Variants in GALNT13 observed in about 807,000 individuals in gnomAD.
GALNT13 encodes polypeptide N-acetylgalactosaminyltransferase 13, also known as UDP-GalNAc:polypeptide N-acetylgalactosaminyltransferase 13.
GALNT13 carries 28 observed loss-of-function variants against 64.2 expected under a neutral mutation model. The observed-to-expected ratio is 0.44, with a 90% CI of 0.32 to 0.60. The LOEUF (loss-of-function observed/expected upper bound fraction) is 0.60. Among genes scored for constraint, GALNT13 ranks in the 20% least tolerant of loss-of-function variants. The pLI is 0.05. For missense variants in GALNT13, 577 were observed against 669.8 expected (o/e 0.86, Z 1.53); for synonymous variants, 214 against 224.6 (o/e 0.95, Z 0.42).
the GALNT13 span, among the ~76,000 whole-genome samples, chr2:153,527,160 A>G: frequency 1.6e-4 from 24 of 152,298 alleles, no homozygotes; most frequent in African/African-American, 5.5e-4. Flanking sequence ...TCCCAAACCT[A>G]CAGACAGATA....
chr2:153,374,990 C>T, the GALNT13 span, among the ~76,000 whole-genome samples: 6 of 152,280 alleles, frequency 3.9e-5, no homozygotes, highest in South Asian at 4.1e-4. Context: ...CCTCAAATCA[C>T]GCATACCATA....
chr2:153,964,542 G>A (rs1199930836), intron 3 of GALNT13, among the ~76,000 whole-genome samples: 1 of 152,002 alleles, frequency 6.6e-6, no homozygotes, highest in Admixed American at 6.6e-5. Flanking sequence ...TATGAATATT[G>A]AGGTTTATTT....
chr2:154,156,952 G>A (rs186093803), intron 4 of GALNT13, among the ~76,000 whole-genome samples: 243 of 152,182 alleles, frequency 1.6e-3, no homozygotes, highest in African/African-American at 5.4e-3. Flanking sequence ...TTTGGGAGAC[G>A]GTTCATACAG....
At chr2:153,903,277 C>A (rs553589167) in intron 2 of GALNT13, among the ~76,000 whole-genome samples, 71 of 151,798 alleles carry the variant, frequency 4.7e-4, no homozygotes, top group Non-Finnish European at 9.7e-4. Flanking sequence ...ATCTTGGGTC[C>A]GTAAAAGAAC....
chr2:153,266,003 A>G, the GALNT13 span, among the ~76,000 whole-genome samples: 1 of 152,202 alleles, frequency 6.6e-6, no homozygotes, highest in Non-Finnish European at 1.5e-5. Flanking sequence ...GTATTCTTGA[A>G]GATATGTACT....
chr2:154,432,422 TCAAC>T (rs1008542346), intron 11 of GALNT13, among the ~76,000 whole-genome samples: 48 of 152,338 alleles, frequency 3.2e-4, no homozygotes, highest in Middle Eastern at 3.4e-3. Flanking sequence ...TTTAGACACT[TCAAC>T]CAGCATGAGG....
the GALNT13 span, among the ~76,000 whole-genome samples, chr2:153,361,662 A>G: frequency 3.6e-4 from 55 of 152,110 alleles, no homozygotes; most frequent in African/African-American, 1.3e-3. Flanking sequence ...ACAGGCAGAC[A>G]AGATTTTAGA....
At chr2:153,316,629 G>C in the GALNT13 span, among the ~76,000 whole-genome samples, 13 of 45,112 alleles carry the variant, frequency 2.9e-4, no homozygotes, top group Non-Finnish European at 7.0e-4. Context: ...AGCAGAGCGA[G>C]ACTCCGTCTC....
chr2:153,845,949 G>A, the GALNT13 span, among the ~76,000 whole-genome samples: 5 of 152,134 alleles, frequency 3.3e-5, no homozygotes, highest in Non-Finnish European at 2.9e-5. Context: ...ATAGTGAAAT[G>A]ACATCTTTGA....
the GALNT13 span, among the ~76,000 whole-genome samples, chr2:153,717,527 T>G: frequency 0.015 from 2,290 of 152,334 alleles, 57 homozygotes; most frequent in African/African-American, 0.052. Flanking sequence ...TACATGGTAT[T>G]ATGTAGAGGA....
the GALNT13 span, among the ~76,000 whole-genome samples, chr2:153,167,533 T>C: frequency 1.0e-3 from 158 of 152,310 alleles, 2 homozygotes; most frequent in South Asian, 0.031. Flanking sequence ...CAAGTTGCCA[T>C]GCAGAGTTTT....
intron 11 of GALNT13, among the ~76,000 whole-genome samples, chr2:154,426,625 T>G (rs532484885): frequency 2.0e-5 from 3 of 152,216 alleles, no homozygotes; most frequent in Non-Finnish European, 4.4e-5. Flanking sequence ...TAGTAAAATA[T>G]AAGCATCTGG....
the GALNT13 span, among the ~76,000 whole-genome samples, chr2:153,423,852 A>G: frequency 2.0e-5 from 3 of 151,602 alleles, no homozygotes; most frequent in African/African-American, 7.2e-5. Context: ...CTATTTATCT[A>G]TACTTTCAAA....
chr2:153,359,086 T>C, the GALNT13 span, among the ~76,000 whole-genome samples: 2 of 151,562 alleles, frequency 1.3e-5, no homozygotes, highest in African/African-American at 2.4e-5. Context: ...TTTTAATTTA[T>C]GTATAGTATT....
chr2:153,899,933 ATATTTTTTT>A (rs1189699728), intron 1 of GALNT13, among the ~76,000 whole-genome samples: 1 of 86,410 alleles, frequency 1.2e-5, no homozygotes, highest in African/African-American at 4.0e-5. Context: ...ATATATATAT[ATATTTTTTT>A]TTTTTTTTTT....
At chr2:153,798,892 A>C in the GALNT13 span, among the ~76,000 whole-genome samples, 3 of 152,186 alleles carry the variant, frequency 2.0e-5, no homozygotes, top group African/African-American at 7.2e-5. Flanking sequence ...ATTAAGCACT[A>C]TTATTGCTGA....
the GALNT13 span, among the ~76,000 whole-genome samples, chr2:153,360,765 G>A: frequency 1.3e-5 from 2 of 152,142 alleles, no homozygotes; most frequent in Non-Finnish European, 2.9e-5. Context: ...AAGCTCCGTG[G>A]ACCAGCAGAC....
Position 154,350,016 on chromosome 2 carries a change from T to C in GALNT13, c.1157-45975T>C, listed in dbSNP as rs75239807. ...GGTAGGATTTTGGTAACCTAAAGTCTATGGGATTCAAGGACAAAAGAAAAA... is the reference window on the plus strand; with the variant it reads ...GGTAGGATTTTGGTAACCTAAAGTCCATGGGATTCAAGGACAAAAGAAAAA... On this transcript the variant is annotated intron_variant, in intron 9 of 12. Coordinates refer to ENST00000392825, the MANE Select transcript of GALNT13 (RefSeq NM_052917.4). 9.5e-3 allele frequency among the ~76,000 whole-genome samples: 1,454 copies of C among 152,320 alleles called. 22 individuals are homozygous for C. The highest frequency in any genetic ancestry group is 0.05 in the South Asian group (242 of 4,826).
At chr2:154,380,832 G>A (rs1698234872) in intron 9 of GALNT13, among the ~76,000 whole-genome samples, 1 of 151,850 alleles carries the variant, frequency 6.6e-6, no homozygotes, top group Non-Finnish European at 1.5e-5. Flanking sequence ...GGCTCAACTG[G>A]GGAAGAATCT....
Sources: allele counts gnomAD v4.1 joint callset (sites outside exome capture counted in the v4.1 genomes callset), GRCh38; gene constraint gnomAD v4.1.1; transcripts MANE v1.5; gene names NCBI Gene and HGNC (gene_info 2026-07-23, HGNC 2026-07-21).